TGFA: variants seen among roughly 807,000 people sequenced by gnomAD.
The protein encoded by TGFA is transforming growth factor alpha.
Under a neutral mutation model 21.7 loss-of-function variants are expected in TGFA, and 12 were observed. The ratio of observed to expected loss-of-function variants is 0.55; its 90% CI spans 0.35 to 0.90. TGFA has a LOEUF of 0.90. Among genes scored for constraint, TGFA ranks in the 40% least tolerant of loss-of-function variants. The pLI is 0.01. For missense variants in TGFA, 178 were observed against 210.8 expected, an observed-to-expected ratio of 0.84 and a Z score of 0.96; for synonymous variants, 79 against 88.1, an observed-to-expected ratio of 0.90 and a Z score of 0.58.
chr2:70,502,017 G>A (rs1671752634), intron 2 of TGFA, among the ~76,000 whole-genome samples: 1 of 152,254 alleles, frequency 6.6e-6, no homozygotes, highest in South Asian at 2.1e-4. Context: ...GGCACTTGCA[G>A]GGAGCTGAGA....
At chr2:70,517,436 T>C (rs1384809316) in intron 1 of TGFA, among the ~76,000 whole-genome samples, 1 of 152,192 alleles carries the variant, frequency 6.6e-6, no homozygotes, top group African/African-American at 2.4e-5. Context: ...GGTCTCTCAC[T>C]TTGCAGGTGG....
intron 1 of TGFA, among the ~76,000 whole-genome samples, chr2:70,530,904 A>G (rs537665555): frequency 1.1e-4 from 17 of 152,270 alleles, no homozygotes; most frequent in African/African-American, 3.9e-4. Context: ...CTAGGTTTCT[A>G]TGCCCTCAAT....
At position 70,450,690 on chromosome 2, in the gene TGFA, C is replaced by T. The variant is rs947217493; in HGVS notation, c.*169G>A. 4.0e-5 allele frequency: 27 copies of T among 676,242 alleles called. No homozygotes were observed. Among genetic ancestry groups the T allele is most frequent in the South Asian group, 1.3e-4 (7 of 52,124 alleles). 41.9% of individuals were successfully genotyped at this position (676,242 alleles called of 1,614,324 possible). A position where few individuals can be genotyped will look rare whatever the true frequency, so the allele number is the denominator to read the frequency against. The stretch of plus-strand genomic sequence containing the variant: ...GTCACACTGAATAACCCCAAGCAGA[C>T]GGAGTTCTTGACAGAGTTTTGAAGG... On this transcript the variant is annotated 3_prime_UTR_variant, in exon 6 of 6. Coordinates refer to ENST00000295400, the MANE Select transcript of TGFA (RefSeq NM_003236.4).
chr2:70,456,386 GACC>G lies in TGFA; in HGVS notation c.315_317del (p.Val106del). 6.3e-7 allele frequency: 1 copy of G among 1,579,134 alleles called. No individual in the cohort carries two copies. Among genetic ancestry groups the G allele is most frequent in the African/African-American group, 1.3e-5 (1 of 74,146 alleles). ...TAAGGACAGCCAGGGCCACGATGGA[GACC>G]ACCACCAAGGCGGTGATGGCCTGCT... On this transcript the variant is annotated inframe_deletion, in exon 4 of 6. Coordinates refer to ENST00000295400, the MANE Select transcript of TGFA (RefSeq NM_003236.4).
intron 2 of TGFA, among the ~76,000 whole-genome samples, chr2:70,483,032 G>T (rs1187160944): frequency 6.6e-6 from 1 of 152,198 alleles, no homozygotes; most frequent in African/African-American, 2.4e-5. Flanking sequence ...CACTGGCATT[G>T]TTCCTTCTCA....
chr2:70,553,082 C>A (rs1257940486), intron 1 of TGFA: 28 of 1,233,624 alleles, frequency 2.3e-5, no homozygotes, highest in Non-Finnish European at 2.5e-5. Context: ...TGGCAACACT[C>A]GGTCTAGGGT....
chr2:70,488,097 C>T (rs1032217500), intron 2 of TGFA, among the ~76,000 whole-genome samples: 2 of 152,054 alleles, frequency 1.3e-5, no homozygotes, highest in African/African-American at 2.4e-5. Flanking sequence ...ATTTGTATTT[C>T]AACTTTGGTT....
rs549362044 is a variant in TGFA at position 70,507,174 on chromosome 2, A to C, written c.94+7685T>G. ...AACAGCCGTACTGCCTGAGCCTCGGAGCCTCGGCAGGTGCAGTCACTGGAC... is the reference window on the plus strand; with the variant it reads ...AACAGCCGTACTGCCTGAGCCTCGGCGCCTCGGCAGGTGCAGTCACTGGAC... On this transcript the variant is annotated intron_variant, in intron 2 of 5. Transcript: ENST00000295400. Among the ~76,000 whole-genome samples, 283 of 152,346 alleles carry C rather than the reference A, an allele frequency of 1.9e-3. 2 individuals carry two copies. The highest frequency in any genetic ancestry group is 6.4e-3 in the African/African-American group (268 of 41,580).
At chr2:70,483,635 G>A (rs1553496112) in intron 2 of TGFA, among the ~76,000 whole-genome samples, 1 of 152,120 alleles carries the variant, frequency 6.6e-6, no homozygotes, top group Non-Finnish European at 1.5e-5. Context: ...TTTTCTACCT[G>A]CCACAAGAGA....
intron 2 of TGFA, among the ~76,000 whole-genome samples, chr2:70,498,837 G>A (rs1232679695): frequency 6.6e-6 from 1 of 152,058 alleles, no homozygotes; most frequent in East Asian, 1.9e-4. Flanking sequence ...AACCAGATTC[G>A]GTCTGTGTTA....
At chr2:70,553,168 A>C in intron 1 of TGFA, 1 of 1,535,858 alleles carries the variant, frequency 6.5e-7, no homozygotes. Context: ...AATCCGCCCA[A>C]AAATCCAAAA....
chr2:70,551,313 G>A (rs1553506795), intron 1 of TGFA, among the ~76,000 whole-genome samples: 1 of 152,204 alleles, frequency 6.6e-6, no homozygotes, highest in African/African-American at 2.4e-5. Context: ...ACCTGACATG[G>A]GAGGGCAGCC....
chr2:70,488,052 T>G (rs1271113030), intron 2 of TGFA, among the ~76,000 whole-genome samples: 5 of 152,246 alleles, frequency 3.3e-5, no homozygotes, highest in African/African-American at 1.2e-4. Flanking sequence ...TTTTCTTAAT[T>G]TCTTGATGTA....
chr2:70,462,086 C>T (rs953555257), intron 3 of TGFA, among the ~76,000 whole-genome samples: 1 of 152,092 alleles, frequency 6.6e-6, no homozygotes, highest in Non-Finnish European at 1.5e-5. Flanking sequence ...CTTGATGAGG[C>T]CATGATAGAT....
intron 1 of TGFA, among the ~76,000 whole-genome samples, chr2:70,552,429 T>G (rs1673539626): frequency 6.6e-6 from 1 of 152,220 alleles, no homozygotes; most frequent in Non-Finnish European, 1.5e-5. Flanking sequence ...TTTTATTGCT[T>G]TTTCTAAAAT....
Position 70,450,783 on chromosome 2 carries a change from G to T in TGFA, c.*76C>A. On this transcript the variant is annotated 3_prime_UTR_variant, in exon 6 of 6. Transcript: ENST00000295400. ...GTCTGTGGCACACCCAGGCATCTCTGGCAGTGCTGTCCTGAAGAAGCCTTT... is the reference window on the plus strand; with the variant it reads ...GTCTGTGGCACACCCAGGCATCTCTTGCAGTGCTGTCCTGAAGAAGCCTTT... 6.5e-7 allele frequency: 1 copy of T among 1,538,178 alleles called. No homozygotes were observed. Among genetic ancestry groups the T allele is most frequent in the South Asian group, 1.2e-5 (1 of 85,662 alleles).
intron 1 of TGFA, among the ~76,000 whole-genome samples, chr2:70,525,748 A>C (rs1164592304): frequency 6.6e-6 from 1 of 152,074 alleles, no homozygotes; most frequent in Non-Finnish European, 1.5e-5. Flanking sequence ...CCTTGACCAG[A>C]CCACCCGCTA....
At chr2:70,483,712 T>C (rs1216196748) in intron 2 of TGFA, among the ~76,000 whole-genome samples, 1 of 152,250 alleles carries the variant, frequency 6.6e-6, no homozygotes, top group Non-Finnish European at 1.5e-5. Context: ...CATTGGTTTG[T>C]GGCCAATAGC....
chr2:70,509,247 C>T (rs1464239390), intron 2 of TGFA, among the ~76,000 whole-genome samples: 1 of 152,166 alleles, frequency 6.6e-6, no homozygotes, highest in African/African-American at 2.4e-5. Flanking sequence ...GACAATGGAA[C>T]GGGGAAGCAG....
Sources: gnomAD v4.1 joint callset for allele counts (sites outside exome capture counted in the v4.1 genomes callset) on GRCh38, gnomAD v4.1.1 for gene constraint, MANE v1.5 for transcripts, NCBI Gene and HGNC (gene_info 2026-07-23, HGNC 2026-07-21) for gene names.